The following PPP4R1 variants were observed in gnomAD, a reference collection of about 807,000 sequenced individuals.
PPP4R1 encodes protein phosphatase 4 regulatory subunit 1, also known as serine/threonine-protein phosphatase 4 regulatory subunit 1.
Under a neutral mutation model 111.2 loss-of-function variants are expected in PPP4R1, and 42 were observed. The observed-to-expected ratio is 0.38, with a 90% confidence interval of 0.29 to 0.49. The LOEUF (loss-of-function observed/expected upper bound fraction) is 0.49, where lower values mean the gene tolerates loss of function less well. PPP4R1 is among the 20% of genes least tolerant of loss of function. PPP4R1 has a pLI of 0.97. For missense variants in PPP4R1, 1,012 were observed against 1,161.6 expected (o/e 0.87, Z 1.87); for synonymous variants, 409 against 405.5 (o/e 1.01, Z -0.10).
intron 11 of PPP4R1, among the ~76,000 whole-genome samples, chr18:9,565,482 C>T (rs2066750243): frequency 1.3e-5 from 2 of 152,178 alleles, no homozygotes; most frequent in South Asian, 2.1e-4. Context: ...GCCAAGAAAG[C>T]CCAAAAGCTA....
chr18:9,586,042 TCTC>T (rs1312960920), intron 6 of PPP4R1, among the ~76,000 whole-genome samples: 6 of 152,050 alleles, frequency 3.9e-5, no homozygotes, highest in Non-Finnish European at 8.8e-5. Flanking sequence ...TGAATAAGCA[TCTC>T]CATGCTCTAG....
intron 15 of PPP4R1, among the ~76,000 whole-genome samples, chr18:9,553,864 T>C (rs1210197717): frequency 6.6e-6 from 1 of 152,208 alleles, no homozygotes; most frequent in Non-Finnish European, 1.5e-5. Context: ...TGTATCCCAA[T>C]AGCTGCTCTA....
intron 2 of PPP4R1, among the ~76,000 whole-genome samples, chr18:9,599,059 T>C (rs1013474562): frequency 6.6e-6 from 1 of 151,938 alleles, no homozygotes; most frequent in African/African-American, 2.4e-5. Context: ...AAAAGGTTAA[T>C]ATGGGATAAA....
rs1316720613 is a variant in PPP4R1 at position 9,562,046 on chromosome 18, G to T, written c.1776C>A (p.His592Gln). 6.2e-7 allele frequency: 1 copy of T among 1,612,412 alleles called. No individual in the cohort carries two copies. Among genetic ancestry groups the T allele is most frequent in the South Asian group, 1.1e-5 (1 of 91,010 alleles). Residue 592 changes from histidine to glutamine, a missense_variant, in exon 13 of 20, where the codon CAC becomes CAA. Around this residue, in one of 2 missense-constraint regions of PPP4R1, gnomAD observed 707 missense variants for 742.1 expected, o/e 0.95. Transcript: ENST00000400556. ...ENMDSTLHYIHSDSDLSNNSS... is the reference protein window; with the variant it reads ...ENMDSTLHYIQSDSDLSNNSS... ...TATTGTTGCTCAAGTCTGAATCGCT[G>T]TGAATATAGTGAAGAGTGGAGTCCA...
At chr18:9,555,423 G>C (rs189451237) in intron 15 of PPP4R1, among the ~76,000 whole-genome samples, 1 of 152,310 alleles carries the variant, frequency 6.6e-6, no homozygotes, top group East Asian at 1.9e-4. Context: ...GCCTGGATAT[G>C]AGAGCACTGG....
chr18:9,564,584 A>C (rs2066729855), intron 11 of PPP4R1, among the ~76,000 whole-genome samples: 1 of 152,172 alleles, frequency 6.6e-6, no homozygotes, highest in Non-Finnish European at 1.5e-5. Context: ...CAACCCTTTT[A>C]ATCACTTCAG....
Position 9,559,597 on chromosome 18 carries a change from A to C in PPP4R1, c.1850T>G (p.Val617Gly). ...ATACTGATCTAACAACGCCTGAGGT[A>C]CAACATCCTAATGGAGAAAGAGAAA... ...EERRTKVQDV[V>G]PQALLDQYLS... The change falls in exon 14 of 20, where the codon GTA becomes GGA. Residue 617 changes from valine to glycine, a missense_variant. Physicochemically the swap from Val to Gly is moderately radical, Grantham distance 109. Transcript: ENST00000400556. 1 of 1,589,046 alleles carries C rather than the reference A, an allele frequency of 6.3e-7. No homozygotes were observed. Among genetic ancestry groups the C allele is most frequent in the South Asian group, 1.2e-5 (1 of 86,088 alleles).
At chr18:9,602,367 TAA>T (rs11324056) in intron 2 of PPP4R1, among the ~76,000 whole-genome samples, 9,087 of 44,914 alleles carry the variant, frequency 0.2, 599 homozygotes, top group East Asian at 0.44. Flanking sequence ...CCATCTCTAC[TAA>T]AAAAAAAAAA....
intron 11 of PPP4R1, among the ~76,000 whole-genome samples, chr18:9,567,735 A>G (rs551977460): frequency 6.6e-6 from 1 of 152,284 alleles, no homozygotes; most frequent in South Asian, 2.1e-4. Context: ...GCCAACAAAC[A>G]CCATTGCTAG....
chr18:9,568,524 T>C (rs1020423027), intron 11 of PPP4R1, among the ~76,000 whole-genome samples: 7 of 152,248 alleles, frequency 4.6e-5, no homozygotes, highest in African/African-American at 9.6e-5. Context: ...GAAACTTGTA[T>C]GTATGTACAT....
chr18:9,614,599 G>T, upstream of PPP4R1: 1 of 608,318 alleles, frequency 1.6e-6, no homozygotes, highest in Non-Finnish European at 2.0e-6. This position sits in a 1 kb window ranked among gnomAD's most constrained non-coding sequence, Gnocchi z 4.1. Context: ...AGGAGGGCCG[G>T]GCTGGCGGGG....
chr18:9,555,919 A>G (rs533497736), intron 15 of PPP4R1, among the ~76,000 whole-genome samples: 16 of 151,974 alleles, frequency 1.1e-4, no homozygotes, highest in East Asian at 3.9e-4. Context: ...GGCGGATCAC[A>G]AGATCAGGAG....
intron 12 of PPP4R1, among the ~76,000 whole-genome samples, chr18:9,562,484 T>G (rs1011498160): frequency 6.6e-6 from 1 of 152,202 alleles, no homozygotes; most frequent in Non-Finnish European, 1.5e-5. Context: ...ATTATATATA[T>G]GTTAACAGCC....
At chr18:9,561,668 C>T (rs2066679827) in intron 13 of PPP4R1, among the ~76,000 whole-genome samples, 1 of 152,046 alleles carries the variant, frequency 6.6e-6, no homozygotes, top group Non-Finnish European at 1.5e-5. Flanking sequence ...GATGGGATGA[C>T]CACAGCTGTC....
intron 9 of PPP4R1, among the ~76,000 whole-genome samples, chr18:9,581,340 G>A (rs949809973): frequency 3.9e-5 from 6 of 152,082 alleles, no homozygotes; most frequent in Admixed American, 1.3e-4. Flanking sequence ...TTATGGGGAC[G>A]GTGCTGCATC....
chr18:9,567,609 A>C (rs2066790031), intron 11 of PPP4R1, among the ~76,000 whole-genome samples: 1 of 152,240 alleles, frequency 6.6e-6, no homozygotes, highest in Non-Finnish European at 1.5e-5. Flanking sequence ...GATGCTGTGA[A>C]CATTGTTGAA....
intron 2 of PPP4R1, among the ~76,000 whole-genome samples, chr18:9,611,323 C>A (rs1272856901): frequency 6.6e-6 from 1 of 152,098 alleles, no homozygotes; most frequent in Non-Finnish European, 1.5e-5. Context: ...AACTCAGGCT[C>A]ACGAGATAAC....
In PPP4R1 at chr18:9,583,193, C is replaced by A; in HGVS notation, c.842G>T (p.Cys281Phe). 3 of 1,611,834 alleles carry A rather than the reference C, an allele frequency of 1.9e-6. No individual in the cohort carries two copies. The highest frequency in any genetic ancestry group is 2.5e-6 in the Non-Finnish European group (3 of 1,178,372). Residue 281 changes from cysteine to phenylalanine, a missense_variant, in exon 9 of 20, where the codon TGT (cysteine) becomes TTT (phenylalanine). Physicochemically the swap from Cys to Phe is radical, Grantham distance 205. Transcript: ENST00000400556. ...ACAECFMAVS[C>F]ATCQEIRRTK... ...CCGTCGGATTTCTTGACATGTTGCA[C>A]ATGAAACCGCCATGAAGCATTCAGC... is the stretch of plus-strand genomic sequence containing the variant.
At chr18:9,579,252 C>T (rs770710114) in intron 9 of PPP4R1, among the ~76,000 whole-genome samples, 37 of 152,176 alleles carry the variant, frequency 2.4e-4, no homozygotes, top group Non-Finnish European at 4.1e-4. Flanking sequence ...TGATTTTAAG[C>T]TATTATTTTT....
Sources: gnomAD v4.1 joint callset for allele counts (sites outside exome capture counted in the v4.1 genomes callset) on GRCh38, gnomAD v4.1.1 for gene constraint, gnomAD v4.1.1 regional missense constraint, Gnocchi (gnomAD v3.1) non-coding constraint, MANE v1.5 for transcripts, NCBI Gene and HGNC (gene_info 2026-07-23, HGNC 2026-07-21) for gene names.